CCSER1: variants seen among roughly 807,000 people sequenced by gnomAD.
CCSER1 encodes serine-rich coiled-coil domain-containing protein 1.
CCSER1 carries 41 observed loss-of-function variants against 82.0 expected under a neutral mutation model. The ratio of observed to expected loss-of-function variants is 0.50; its 90% CI spans 0.39 to 0.65. The LOEUF is 0.65. CCSER1 is among the 30% of genes least tolerant of loss of function. The probability of loss-of-function intolerance (pLI) is 0.00; values close to 1 mark genes in which losing one functional copy is unlikely to be tolerated. For missense variants in CCSER1, 1,119 were observed against 1,064.2 expected, an observed-to-expected ratio of 1.05 and a Z score of -0.72; for synonymous variants, 414 against 383.9, an observed-to-expected ratio of 1.08 and a Z score of -0.92.
At chr4:90,290,798 T>A (rs1730787245) in intron 1 of CCSER1, among the ~76,000 whole-genome samples, 1 of 152,034 alleles carries the variant, frequency 6.6e-6, no homozygotes, top group Non-Finnish European at 1.5e-5. Context: ...TAATTTGGAA[T>A]ACTAAGCCAC....
chr4:91,114,046 G>A (rs1037888545), intron 10 of CCSER1, among the ~76,000 whole-genome samples: 1 of 152,020 alleles, frequency 6.6e-6, no homozygotes, highest in Non-Finnish European at 1.5e-5. Flanking sequence ...TAGAGACGGG[G>A]TTTCATCGTG....
chr4:90,932,958 GAAAGAAAGAAAGAAAGAA>G (rs1730150642), intron 9 of CCSER1, among the ~76,000 whole-genome samples: 4 of 33,866 alleles, frequency 1.2e-4, no homozygotes, highest in Admixed American at 9.2e-4. Flanking sequence ...AAGAAAGAAA[GAAAGAAAGAAAGAAAGAA>G]AGAAAGAGAA....
At chr4:91,108,169 G>C (rs1213662570) in intron 10 of CCSER1, 1 of 152,154 alleles carries the variant, frequency 6.6e-6, no homozygotes, top group South Asian at 2.1e-4. Context: ...CTGATCCAAT[G>C]TATATCTAAT....
chr4:90,770,488 A>G (rs184291501), intron 7 of CCSER1, among the ~76,000 whole-genome samples: 1 of 152,366 alleles, frequency 6.6e-6, no homozygotes, highest in African/African-American at 2.4e-5. Context: ...ATAGAAAATA[A>G]TGAGTTATTG....
chr4:90,399,505 T>A (rs1446492111), intron 3 of CCSER1, among the ~76,000 whole-genome samples: 2 of 152,114 alleles, frequency 1.3e-5, no homozygotes, highest in African/African-American at 4.8e-5. Context: ...AAAATTTGTT[T>A]GAAAAACAAT....
intron 1 of CCSER1, among the ~76,000 whole-genome samples, chr4:90,254,399 T>A (rs928930814): frequency 1.3e-5 from 2 of 152,172 alleles, no homozygotes; most frequent in Admixed American, 6.6e-5. Flanking sequence ...TCTTGTCAAC[T>A]TGATATTATC....
chr4:90,552,195 G>T (rs566596080), intron 5 of CCSER1, among the ~76,000 whole-genome samples: 1 of 152,048 alleles, frequency 6.6e-6, no homozygotes, highest in Non-Finnish European at 1.5e-5. Flanking sequence ...AATTTTGTAG[G>T]GGACACATTG....
In CCSER1 at chr4:90,724,575, T is replaced by A. The variant is rs1281581758; in HGVS notation, c.2010+584T>A. On this transcript the variant is annotated intron_variant, in intron 7 of 10. Transcript: ENST00000509176. Reference sequence around the variant, plus strand: ...CGAAGTCTTGTTTTGCCACTTAAGATTAGATGTTTCTATTTAAGCCAAAGC... The same window carrying A: ...CGAAGTCTTGTTTTGCCACTTAAGAATAGATGTTTCTATTTAAGCCAAAGC... 19 of 273,792 alleles carry A rather than the reference T, an allele frequency of 6.9e-5. No individual in the cohort carries two copies. The East Asian group carries it at 1.9e-3, about 28-fold the overall frequency. The allele number at this position is 273,792 out of a possible 1,614,324, so 17.0% of individuals were successfully genotyped here. A position where few individuals can be genotyped will look rare whatever the true frequency, so the allele number is the denominator to read the frequency against.
intron 5 of CCSER1, among the ~76,000 whole-genome samples, chr4:90,483,081 G>T (rs1190037924): frequency 1.3e-5 from 2 of 152,152 alleles, no homozygotes; most frequent in Non-Finnish European, 2.9e-5. Context: ...ATATATTTAG[G>T]ATAGTTAGTT....
At chr4:90,643,405 C>T (rs1030204809) in intron 6 of CCSER1, among the ~76,000 whole-genome samples, 1 of 152,158 alleles carries the variant, frequency 6.6e-6, no homozygotes, top group African/African-American at 2.4e-5. Flanking sequence ...TCATGGGAGG[C>T]ATTGGGTCCG....
Position 90,444,181 on chromosome 4 carries a change from A to G in CCSER1, c.1604-24053A>G, listed in dbSNP as rs1257651403. 3.3e-5 allele frequency among the ~76,000 whole-genome samples: 5 copies of G among 152,050 alleles called. No homozygotes were observed. The East Asian group carries it at 7.7e-4, about 23-fold the overall frequency. On this transcript the variant is annotated intron_variant, in intron 4 of 10. Transcript: ENST00000509176. ...TGAGATTCAGAAGTGGTATGGAATT[A>G]TTTTGGCACACCGAGGTAAAATAAG...
chr4:90,777,893 A>G (rs897048705), intron 7 of CCSER1, among the ~76,000 whole-genome samples: 4 of 152,162 alleles, frequency 2.6e-5, no homozygotes, highest in African/African-American at 9.7e-5. Context: ...TAATCACAAA[A>G]TACAAGTTCC....
intron 9 of CCSER1, among the ~76,000 whole-genome samples, chr4:91,044,893 A>G (rs145813453): frequency 6.6e-6 from 1 of 152,328 alleles, no homozygotes; most frequent in Non-Finnish European, 1.5e-5. Context: ...TTTCTTTATT[A>G]AAGAGTTCAA....
chr4:91,590,997 C>T (rs913158154), intron 10 of CCSER1, among the ~76,000 whole-genome samples: 1 of 152,030 alleles, frequency 6.6e-6, no homozygotes, highest in African/African-American at 2.4e-5. Context: ...TAGTTTAGGG[C>T]AGTGGTTCTC....
At chr4:90,390,090 A>C (rs1368960413) in intron 3 of CCSER1, among the ~76,000 whole-genome samples, 1 of 152,210 alleles carries the variant, frequency 6.6e-6, no homozygotes, top group Non-Finnish European at 1.5e-5. Flanking sequence ...GGTGCAATGA[A>C]AGAAATTCAA....
intron 1 of CCSER1, among the ~76,000 whole-genome samples, chr4:90,273,501 AT>A (rs1261022837): frequency 5.9e-5 from 9 of 152,160 alleles, no homozygotes. Flanking sequence ...ACCCACAAAA[AT>A]AATTTTAAAA....
chr4:91,229,673 A>G (rs1738470671), intron 10 of CCSER1, among the ~76,000 whole-genome samples: 1 of 152,276 alleles, frequency 6.6e-6, no homozygotes, highest in Non-Finnish European at 1.5e-5. Flanking sequence ...GAATGAGTTC[A>G]TTTCCTGTGC....
At chr4:90,785,320 C>A (rs775202518) in intron 7 of CCSER1, among the ~76,000 whole-genome samples, 2 of 152,106 alleles carry the variant, frequency 1.3e-5, no homozygotes, top group African/African-American at 2.4e-5. Flanking sequence ...TGAGCCACCA[C>A]GCCCAGCCCA....
At position 91,603,259 on chromosome 4, in the gene CCSER1, T is replaced by C. The variant is rs1560795871; in HGVS notation, c.*4202T>C. 6.6e-6 allele frequency: 1 copy of C among 152,136 alleles called. No homozygotes were observed. The highest frequency in any genetic ancestry group is 1.5e-5 in the Non-Finnish European group (1 of 67,990). The allele number at this position is 152,136 out of a possible 1,614,324, so 9.4% of individuals were successfully genotyped here. A position where few individuals can be genotyped will look rare whatever the true frequency, so the allele number is the denominator to read the frequency against. On this transcript the variant is annotated 3_prime_UTR_variant, in exon 11 of 11. Coordinates refer to ENST00000509176, the MANE Select transcript of CCSER1 (RefSeq NM_001145065.2). ...AATATTCATCATTGCCAAATGTTTA[T>C]TTTTGAAATTTTGTTCTGTGCCAAC...
Sources: allele counts gnomAD v4.1 joint callset (sites outside exome capture counted in the v4.1 genomes callset), GRCh38; gene constraint gnomAD v4.1.1; transcripts MANE v1.5; gene names NCBI Gene and HGNC (gene_info 2026-07-23, HGNC 2026-07-21).